Variants in SLC25A21 observed in about 807,000 individuals in gnomAD.
The protein encoded by SLC25A21 is solute carrier family 25 member 21.
In SLC25A21, 47 loss-of-function variants were observed where a neutral mutation model predicts 43.8. The ratio of observed to expected loss-of-function variants is 1.07; its 90% CI spans 0.85 to 1.37. The LOEUF (loss-of-function observed/expected upper bound fraction) is 1.37. SLC25A21 is among the 40% of genes most tolerant of loss of function. SLC25A21 has a pLI of 0.00. For missense variants in SLC25A21, 352 were observed against 350.2 expected (o/e 1.00, Z -0.04); for synonymous variants, 131 against 121.3 (o/e 1.08, Z -0.52).
chr14:36,916,535 C>T (rs113497735), intron 1 of SLC25A21, among the ~76,000 whole-genome samples: 16 of 152,172 alleles, frequency 1.1e-4, no homozygotes, highest in South Asian at 4.2e-4. Context: ...GCAAATATGC[C>T]GATGGAGTCT....
intron 1 of SLC25A21, among the ~76,000 whole-genome samples, chr14:37,148,758 C>T (rs1365314240): frequency 6.6e-6 from 1 of 152,078 alleles, no homozygotes. Context: ...GGGGCTCACT[C>T]TTCATAAGAC....
intron 3 of SLC25A21, among the ~76,000 whole-genome samples, chr14:36,813,326 T>G (rs712340): frequency 0.68 from 103,956 of 151,862 alleles, 37,040 homozygotes; most frequent in East Asian, 1. Flanking sequence ...TTCTATTTAT[T>G]TGATCATTTA....
At chr14:36,990,904 C>CA (rs145476666) in intron 1 of SLC25A21, among the ~76,000 whole-genome samples, 2,545 of 141,878 alleles carry the variant, frequency 0.018, 60 homozygotes, top group African/African-American at 0.056. Context: ...GACCCTGCTT[C>CA]AAAAAAAAAA....
intron 1 of SLC25A21, among the ~76,000 whole-genome samples, chr14:37,013,267 T>C (rs890439823): frequency 6.6e-5 from 10 of 152,148 alleles, no homozygotes; most frequent in African/African-American, 9.7e-5. Context: ...ATCAACTCAA[T>C]GGCATTTTAG....
At chr14:36,916,602 G>C (rs992301453) in intron 1 of SLC25A21, among the ~76,000 whole-genome samples, 24 of 152,230 alleles carry the variant, frequency 1.6e-4, no homozygotes, top group Non-Finnish European at 2.5e-4. Context: ...ATAAATTGTT[G>C]CTTTTGTTTA....
intron 1 of SLC25A21, among the ~76,000 whole-genome samples, chr14:37,036,571 C>A (rs1823895438): frequency 6.6e-6 from 1 of 152,040 alleles, no homozygotes; most frequent in African/African-American, 2.4e-5. Context: ...ATAGGGAGGA[C>A]CCGTCTCTAT....
At chr14:37,127,021 C>T (rs1384574785) in intron 1 of SLC25A21, among the ~76,000 whole-genome samples, 3 of 152,234 alleles carry the variant, frequency 2.0e-5, no homozygotes, top group East Asian at 1.9e-4. Context: ...ATAAATATTA[C>T]GTGGCTATTG....
rs918879049 is a variant in SLC25A21, at chr14:36,816,491, TCTC to T, written c.120-2493_120-2491del. 6.4e-4 allele frequency among the ~76,000 whole-genome samples: 95 copies of T among 147,804 alleles called. 3 individuals are homozygous for T. In the South Asian group the frequency reaches 0.017, roughly 26 times the overall value. ...TTTAAAAATGACACATTTAACATAT[TCTC>T]CTCTTTTTTTTTTTTTTTTTTGAGA... is the stretch of plus-strand genomic sequence containing the variant. On this transcript the variant is annotated intron_variant, in intron 2 of 9. Transcript: ENST00000331299.
chr14:36,947,640 T>C (rs1264467115), intron 1 of SLC25A21, among the ~76,000 whole-genome samples: 4 of 152,168 alleles, frequency 2.6e-5, no homozygotes, highest in Non-Finnish European at 5.9e-5. Flanking sequence ...ACACATCTGA[T>C]GATATTTTAG....
chr14:36,997,642 A>C (rs1344060618), intron 1 of SLC25A21, among the ~76,000 whole-genome samples: 3 of 152,122 alleles, frequency 2.0e-5, no homozygotes, highest in Non-Finnish European at 4.4e-5. Flanking sequence ...CAGCCTGTTC[A>C]ACATGGTGAA....
chr14:36,907,677 C>A (rs1039594171), intron 1 of SLC25A21, among the ~76,000 whole-genome samples: 2 of 152,170 alleles, frequency 1.3e-5, no homozygotes, highest in Admixed American at 1.3e-4. Context: ...TCAGATGGAA[C>A]TAAGAGTGGT....
intron 1 of SLC25A21, among the ~76,000 whole-genome samples, chr14:36,961,024 A>G (rs1959477849): frequency 6.6e-6 from 1 of 152,144 alleles, no homozygotes; most frequent in Admixed American, 6.5e-5. Context: ...TGTTACGATG[A>G]GTGAGGAGGT....
intron 2 of SLC25A21, among the ~76,000 whole-genome samples, chr14:36,861,603 CTTTACAGA>C (rs1472280879): frequency 6.6e-6 from 1 of 152,234 alleles, no homozygotes; most frequent in Non-Finnish European, 1.5e-5. Flanking sequence ...CGCACCTGCT[CTTTACAGA>C]GGCAGCTAAG....
At chr14:36,921,476 T>A (rs1891979957) in intron 1 of SLC25A21, among the ~76,000 whole-genome samples, 1 of 152,130 alleles carries the variant, frequency 6.6e-6, no homozygotes, top group Non-Finnish European at 1.5e-5. Context: ...ATGGAATGAA[T>A]AAATTAATTT....
chr14:37,109,235 G>A (rs1177168320), intron 1 of SLC25A21, among the ~76,000 whole-genome samples: 1 of 152,070 alleles, frequency 6.6e-6, no homozygotes, highest in Non-Finnish European at 1.5e-5. Context: ...AAACAAGGAT[G>A]GAGATTACGA....
At chr14:36,828,834 C>G (rs1888931052) in intron 2 of SLC25A21, 1 of 152,284 alleles carries the variant, frequency 6.6e-6, no homozygotes, top group African/African-American at 2.4e-5. Flanking sequence ...CCATCACTTA[C>G]TCCTTTCTGT....
rs527928910 is a variant in SLC25A21 at position 37,170,552 on chromosome 14, C to T, written c.70+1729G>A. ...ACAGAAGACAGAACCTTAGGCATTG[C>T]GGAATTTGACCAAAAATGGTAAATA... On this transcript the variant is annotated intron_variant, in intron 1 of 9. Transcript: ENST00000331299. Among the ~76,000 whole-genome samples, 8 of 152,076 alleles carry T rather than the reference C, an allele frequency of 5.3e-5. No homozygotes were observed. The South Asian group carries it at 1.0e-3, about 20-fold the overall frequency.
chr14:36,888,902 C>T (rs1891000516), intron 1 of SLC25A21, among the ~76,000 whole-genome samples: 1 of 152,208 alleles, frequency 6.6e-6, no homozygotes, highest in African/African-American at 2.4e-5. Context: ...TCATATTCAT[C>T]TTGACAGAGT....
chr14:36,903,455 T>A (rs1275541839), intron 1 of SLC25A21, among the ~76,000 whole-genome samples: 3 of 151,116 alleles, frequency 2.0e-5, no homozygotes, highest in African/African-American at 7.3e-5. Flanking sequence ...CTACTAAAAA[T>A]ACAAAAAATT....
Sources: allele counts gnomAD v4.1 joint callset (sites outside exome capture counted in the v4.1 genomes callset), GRCh38; gene constraint gnomAD v4.1.1; transcripts MANE v1.5; gene names NCBI Gene and HGNC (gene_info 2026-07-23, HGNC 2026-07-21).